KCNH8: variants seen among roughly 807,000 people sequenced by gnomAD.
KCNH8 encodes the protein voltage-gated delayed rectifier potassium channel KCNH8.
Under a neutral mutation model 103.6 loss-of-function variants are expected in KCNH8, and 70 were observed. That is an observed-to-expected ratio of 0.68 (90% confidence interval 0.56 to 0.82). The LOEUF is 0.82. KCNH8 is among the 40% of genes least tolerant of loss of function. KCNH8 has a pLI of 0.00. For missense variants in KCNH8, 1,217 were observed against 1,329.9 expected, an observed-to-expected ratio of 0.92 and a Z score of 1.32; for synonymous variants, 498 against 489.4, an observed-to-expected ratio of 1.02 and a Z score of -0.23.
chr3:19,495,099 G>A (rs1303699921), intron 11 of KCNH8, among the ~76,000 whole-genome samples: 1 of 152,060 alleles, frequency 6.6e-6, no homozygotes, highest in East Asian at 1.9e-4. Flanking sequence ...CTGGATATTA[G>A]ACCTTTGTTG....
At chr3:19,498,289 G>A (rs1192284027) in intron 11 of KCNH8, among the ~76,000 whole-genome samples, 1 of 152,140 alleles carries the variant, frequency 6.6e-6, no homozygotes, top group African/African-American at 2.4e-5. Flanking sequence ...GTTGTTAGCT[G>A]GCTATTATAT....
At chr3:19,407,756 G>T (rs554902451) in intron 7 of KCNH8, among the ~76,000 whole-genome samples, 3 of 152,222 alleles carry the variant, frequency 2.0e-5, no homozygotes, top group Middle Eastern at 3.4e-3. Context: ...AAATCTTGGT[G>T]CAGGGGTGCT....
intron 1 of KCNH8, among the ~76,000 whole-genome samples, chr3:19,244,836 G>T (rs1440508334): frequency 1.3e-5 from 2 of 151,812 alleles, no homozygotes; most frequent in Non-Finnish European, 2.9e-5. Context: ...TTGTTGGTTT[G>T]TTGAAGTTTC....
intron 7 of KCNH8, among the ~76,000 whole-genome samples, chr3:19,401,529 C>T (rs1374743155): frequency 6.6e-6 from 1 of 151,884 alleles, no homozygotes; most frequent in Non-Finnish European, 1.5e-5. Flanking sequence ...AATCAAATAC[C>T]ATCCATTTTA....
chr3:19,523,405 G>C (rs1245363405), intron 15 of KCNH8, among the ~76,000 whole-genome samples: 1 of 151,828 alleles, frequency 6.6e-6, no homozygotes, highest in Admixed American at 6.6e-5. Context: ...TCCTCAAAAA[G>C]TCCAGTTACT....
At chr3:19,512,124 C>T (rs2068793370) in intron 12 of KCNH8, among the ~76,000 whole-genome samples, 1 of 152,146 alleles carries the variant, frequency 6.6e-6, no homozygotes, top group Non-Finnish European at 1.5e-5. Context: ...AGCAGAGAAG[C>T]CATGTCTGGG....
chr3:19,199,397 T>C (rs2063634000), intron 1 of KCNH8, among the ~76,000 whole-genome samples: 1 of 151,974 alleles, frequency 6.6e-6, no homozygotes, highest in African/African-American at 2.4e-5. Flanking sequence ...TTTAATCATG[T>C]AACAAAAGAA....
At chr3:19,176,300 A>G (rs1470099130) in intron 1 of KCNH8, among the ~76,000 whole-genome samples, 1 of 152,172 alleles carries the variant, frequency 6.6e-6, no homozygotes, top group Non-Finnish European at 1.5e-5. Flanking sequence ...GATAGAAACC[A>G]TTGTCTACAT....
intron 11 of KCNH8, among the ~76,000 whole-genome samples, chr3:19,473,472 G>A (rs868104795): frequency 2.3e-4 from 35 of 152,138 alleles, no homozygotes; most frequent in Admixed American, 2.1e-3. Flanking sequence ...TATGGTCACA[G>A]ACTGGCTCTG....
chr3:19,264,496 T>G (rs980085297), intron 2 of KCNH8, among the ~76,000 whole-genome samples: 7 of 152,112 alleles, frequency 4.6e-5, no homozygotes, highest in Admixed American at 1.3e-4. Context: ...TGCTCTTCAC[T>G]GACCCACGCT....
intron 2 of KCNH8, among the ~76,000 whole-genome samples, chr3:19,258,947 C>CTCTCTCTCTCTCTATATA (rs1321918245): frequency 4.0e-5 from 1 of 24,800 alleles, no homozygotes. Flanking sequence ...CTCTCTCTCT[C>CTCTCTCTCTCTCTATATA]TATATATATA....
At chr3:19,291,443 G>A (rs899225064) in intron 3 of KCNH8, among the ~76,000 whole-genome samples, 1 of 152,168 alleles carries the variant, frequency 6.6e-6, no homozygotes, top group African/African-American at 2.4e-5. Context: ...GGTATGTTGT[G>A]TTTTTGTTTT....
At chr3:19,193,216 A>G (rs914810593) in intron 1 of KCNH8, among the ~76,000 whole-genome samples, 7 of 151,718 alleles carry the variant, frequency 4.6e-5, no homozygotes, top group Non-Finnish European at 8.9e-5. Context: ...CCGATATTTA[A>G]TAAGTTCTTT....
At chr3:19,504,595 G>C (rs1263324325) in intron 11 of KCNH8, among the ~76,000 whole-genome samples, 1 of 152,086 alleles carries the variant, frequency 6.6e-6, no homozygotes, top group East Asian at 1.9e-4. Context: ...CAATATCACT[G>C]ATCATTAGAG....
At chr3:19,258,927 CTCTCTCTCTCTCTCTCTCTCTATA>C (rs1449572317) in intron 2 of KCNH8, among the ~76,000 whole-genome samples, 3 of 81,186 alleles carry the variant, frequency 3.7e-5, no homozygotes, top group African/African-American at 1.5e-4. Context: ...CTCTCTCTCT[CTCTCTCTCTCTCTCTCTCTCTATA>C]TATATATATA....
At position 19,331,769 on chromosome 3, in the gene KCNH8, T is replaced by C. The variant is rs189096462; in HGVS notation, c.443-10818T>C. Among the ~76,000 whole-genome samples, 301 of 152,308 alleles carry C rather than the reference T, an allele frequency of 2.0e-3. 3 individuals carry two copies. Among genetic ancestry groups the C allele is most frequent in the Non-Finnish European group, 2.7e-3 (182 of 68,022 alleles). ...ATTCCAATTATACCCTTTTAAGTTA[T>C]TGTAAAATGTACAATAAATTACTAT... On this transcript the variant is annotated intron_variant, in intron 3 of 15. Transcript: ENST00000328405.
chr3:19,284,855 A>G (rs2064808379), intron 3 of KCNH8, among the ~76,000 whole-genome samples: 1 of 150,952 alleles, frequency 6.6e-6, no homozygotes, highest in Non-Finnish European at 1.5e-5. Context: ...TGGCAGTTAA[A>G]TATGTCCTTT....
chr3:19,302,226 A>G (rs1048548442), intron 3 of KCNH8, among the ~76,000 whole-genome samples: 20 of 152,160 alleles, frequency 1.3e-4, no homozygotes, highest in African/African-American at 4.8e-4. Flanking sequence ...TCATTAGCAT[A>G]AATATAAATA....
chr3:19,455,542 C>T (rs1177921786), intron 10 of KCNH8, among the ~76,000 whole-genome samples: 1 of 151,956 alleles, frequency 6.6e-6, no homozygotes, highest in Admixed American at 6.6e-5. Context: ...AACTAAAGGT[C>T]CTAAATCTAG....
Sources: allele counts gnomAD v4.1 joint callset (sites outside exome capture counted in the v4.1 genomes callset), GRCh38; gene constraint gnomAD v4.1.1; transcripts MANE v1.5; gene names NCBI Gene and HGNC (gene_info 2026-07-23, HGNC 2026-07-21).